DOCK1: variants seen among roughly 807,000 people sequenced by gnomAD.
The protein encoded by DOCK1 is dedicator of cytokinesis protein 1.
Under a neutral mutation model 262.7 loss-of-function variants are expected in DOCK1, and 138 were observed. That is an observed-to-expected ratio of 0.53 (90% CI 0.46 to 0.61). The LOEUF (loss-of-function observed/expected upper bound fraction) is 0.61. Among genes scored for constraint, DOCK1 ranks in the 20% least tolerant of loss-of-function variants. The probability of loss-of-function intolerance (pLI) is 0.00; values close to 1 mark genes in which losing one functional copy is unlikely to be tolerated. For synonymous variants in DOCK1, 866 were observed against 867.4 expected (o/e 1.00, Z 0.03); for missense variants, 1,908 against 2,370.7 (o/e 0.80, Z 4.05).
At position 127,374,079 on chromosome 10, in the gene DOCK1, G is replaced by A. The variant is rs2065353456; in HGVS notation, c.3540G>A (p.Lys1180=). ...FDKILLEHCR[K]HKYLAKTGET... ...TCAGCCTTCTGGAACACTGCAGGAA[G>A]CACAAATACCTCGCCAAAACAGGAG... Residue 1180 remains lysine (K), a synonymous_variant, in exon 35 of 52, where the codon AAG becomes AAA. Coordinates refer to ENST00000623213, the MANE Select transcript of DOCK1 (RefSeq NM_001290223.2). 1 of 1,612,718 alleles carries A rather than the reference G, an allele frequency of 6.2e-7. No individual in the cohort carries two copies. Among genetic ancestry groups the A allele is most frequent in the Non-Finnish European group, 8.5e-7 (1 of 1,179,320 alleles).
chr10:127,208,246 AATGGACGGTCATAT>A (rs2057811042), intron 27 of DOCK1, among the ~76,000 whole-genome samples: 2 of 152,298 alleles, frequency 1.3e-5, no homozygotes, highest in South Asian at 4.1e-4. Context: ...AATTGCTTTA[AATGGACGGTCATAT>A]ATGTTTGGCT....
At chr10:127,178,778 G>C (rs2055433504) in intron 27 of DOCK1, among the ~76,000 whole-genome samples, 1 of 152,172 alleles carries the variant, frequency 6.6e-6, no homozygotes, top group South Asian at 2.1e-4. Flanking sequence ...GTTTGGGATG[G>C]CTAGATGATA....
chr10:126,909,385 G>A (rs546689716), intron 1 of DOCK1, among the ~76,000 whole-genome samples: 5 of 152,282 alleles, frequency 3.3e-5, no homozygotes, highest in South Asian at 2.1e-4. Flanking sequence ...GCTGCTGGGC[G>A]TGTGGCCTGT....
In DOCK1 at chr10:127,439,151, GA is replaced by G; in HGVS notation, c.5186del (p.Glu1729GlyfsTer20). ...GGAAAAAAGGAACAGCAAACATCAA[GA>G]GATATTTGAGAAAGAATTTAAACCC... ...KKEKRNSKHQ[E>X]IFEKEFKPTD... On this transcript the variant is annotated frameshift_variant, in exon 49 of 52. Transcript: ENST00000623213. LOFTEE classifies it high-confidence loss of function. The G allele has an allele frequency of 6.2e-7, 1 of 1,608,478 alleles. No individual in the cohort carries two copies. The highest frequency in any genetic ancestry group is 8.5e-7 in the Non-Finnish European group (1 of 1,177,512).
intron 1 of DOCK1, among the ~76,000 whole-genome samples, chr10:126,937,626 T>C (rs1271441476): frequency 6.6e-6 from 1 of 152,170 alleles, no homozygotes; most frequent in Admixed American, 6.5e-5. Context: ...AGCTTTTTTT[T>C]CATGAGCTTA....
chr10:126,967,140 A>G (rs1449406082), intron 1 of DOCK1, among the ~76,000 whole-genome samples: 11 of 152,140 alleles, frequency 7.2e-5, no homozygotes, highest in African/African-American at 2.7e-4. Context: ...AGCAAAACTG[A>G]GCGATCAGCA....
intron 23 of DOCK1, among the ~76,000 whole-genome samples, chr10:127,088,572 A>T (rs2047333211): frequency 6.6e-6 from 1 of 152,206 alleles, no homozygotes; most frequent in African/African-American, 2.4e-5. Context: ...TAAGTAACTC[A>T]CAATGTGTTT....
At chr10:127,432,739 CA>C (rs140769072) in intron 47 of DOCK1, among the ~76,000 whole-genome samples, 8,614 of 152,256 alleles carry the variant, frequency 0.057, 309 homozygotes, top group Non-Finnish European at 0.086. Flanking sequence ...GAAGCTTTAG[CA>C]ACTTCAGCAG....
At chr10:127,408,358 G>A (rs2067641918) in intron 40 of DOCK1, among the ~76,000 whole-genome samples, 1 of 152,152 alleles carries the variant, frequency 6.6e-6, no homozygotes, top group East Asian at 1.9e-4. Context: ...ATGTGTTGAT[G>A]AATAATGACC....
At chr10:127,283,712 T>C (rs1202916866) in intron 29 of DOCK1, among the ~76,000 whole-genome samples, 1 of 152,246 alleles carries the variant, frequency 6.6e-6, no homozygotes, top group Non-Finnish European at 1.5e-5. Flanking sequence ...GCATTTTCAT[T>C]GCCAACTTTC....
intron 1 of DOCK1, among the ~76,000 whole-genome samples, chr10:126,918,862 T>A (rs1290802684): frequency 8.7e-6 from 1 of 114,636 alleles, no homozygotes; most frequent in East Asian, 3.7e-4. Context: ...CCCCAACGAC[T>A]TGGTCTGGCA....
At position 127,296,801 on chromosome 10, in the gene DOCK1, G is replaced by A. The variant is rs149636652; in HGVS notation, c.3044+39372G>A. 3.0e-3 allele frequency among the ~76,000 whole-genome samples: 457 copies of A among 152,254 alleles called. 2 individuals are homozygous for A. The highest frequency in any genetic ancestry group is 0.011 in the African/African-American group (437 of 41,558). On this transcript the variant is annotated intron_variant, in intron 29 of 51. Coordinates refer to ENST00000623213, the MANE Select transcript of DOCK1 (RefSeq NM_001290223.2). ...GGTAGGGGGTGCTCTTCACAGTTGT[G>A]GGGGAGGCTTAGCCTGAATCTCAGG...
chr10:127,063,922 G>A (rs748509631), intron 23 of DOCK1, among the ~76,000 whole-genome samples: 2 of 152,110 alleles, frequency 1.3e-5, no homozygotes, highest in Non-Finnish European at 2.9e-5. Context: ...ACAGACGCAC[G>A]GCGTTTTATT....
chr10:127,257,741 G>A, intron 29 of DOCK1: 1 of 224,878 alleles, frequency 4.4e-6, no homozygotes, highest in Non-Finnish European at 8.9e-6. Flanking sequence ...GCGCTCTCAT[G>A]TTACCCACAT....
intron 32 of DOCK1, among the ~76,000 whole-genome samples, chr10:127,359,568 A>C (rs974191126): frequency 6.6e-6 from 1 of 152,260 alleles, no homozygotes; most frequent in Non-Finnish European, 1.5e-5. Context: ...TAGCATTTTC[A>C]AGAGAATGCT....
At chr10:126,909,323 G>C (rs2031416866) in intron 1 of DOCK1, among the ~76,000 whole-genome samples, 2 of 152,152 alleles carry the variant, frequency 1.3e-5, no homozygotes, top group African/African-American at 2.4e-5. Context: ...TTCCTCCCCA[G>C]GGCCTCCTGC....
chr10:127,251,128 A>G (rs1239080966), intron 28 of DOCK1, among the ~76,000 whole-genome samples: 2 of 151,242 alleles, frequency 1.3e-5, no homozygotes, highest in South Asian at 4.2e-4. Flanking sequence ...ACACCCGGCT[A>G]ATTTTTTTTG....
chr10:127,364,591 C>A (rs143961493), intron 33 of DOCK1, among the ~76,000 whole-genome samples: 2,068 of 152,296 alleles, frequency 0.014, 18 homozygotes, highest in South Asian at 0.028. Context: ...ATCTTGATCT[C>A]TTGACCTCAT....
chr10:127,030,171 A>G (rs907294257), intron 16 of DOCK1, among the ~76,000 whole-genome samples: 4 of 152,082 alleles, frequency 2.6e-5, no homozygotes, highest in Middle Eastern at 3.2e-3. Context: ...AGGCGGGTGG[A>G]TGTGTCATTC....
Sources: gnomAD v4.1 joint callset for allele counts (sites outside exome capture counted in the v4.1 genomes callset) on GRCh38, gnomAD v4.1.1 for gene constraint, MANE v1.5 for transcripts, NCBI Gene and HGNC (gene_info 2026-07-23, HGNC 2026-07-21) for gene names.